Variants in RNF216 observed in about 807,000 individuals in gnomAD.
RNF216 encodes E3 ubiquitin-protein ligase RNF216.
RNF216 carries 72 observed loss-of-function variants against 110.8 expected under a neutral mutation model. That is an observed-to-expected ratio of 0.65 (90% CI 0.54 to 0.79). RNF216 has a LOEUF of 0.79. Among genes scored for constraint, RNF216 ranks in the 30% least tolerant of loss-of-function variants. The pLI, the probability that RNF216 is intolerant of heterozygous loss-of-function variation, is 0.00. For missense variants in RNF216, 1,342 were observed against 1,141.2 expected (o/e 1.18, Z -2.54); for synonymous variants, 495 against 407.5 (o/e 1.21, Z -2.59).
At chr7:5,741,843 C>A (rs779161524) in intron 3 of RNF216, 28 bp from the exon 4 acceptor site, 4 of 1,564,090 alleles carry the variant, frequency 2.6e-6, no homozygotes, top group Admixed American at 3.9e-5. Flanking sequence ...TTTAATAATT[C>A]AATTTCTTTC....
intron 15 of RNF216, among the ~76,000 whole-genome samples, chr7:5,637,379 C>T (rs1787458739): frequency 6.6e-6 from 1 of 152,214 alleles, no homozygotes; most frequent in Non-Finnish European, 1.5e-5. Flanking sequence ...AAGGGTTTCA[C>T]TGGGTCATAA....
chr7:5,740,562 A>G (rs1455919541), intron 4 of RNF216, among the ~76,000 whole-genome samples: 1 of 152,186 alleles, frequency 6.6e-6, no homozygotes, highest in African/African-American at 2.4e-5. Flanking sequence ...CCACTGGAAA[A>G]TTTTATTTAA....
intron 2 of RNF216, among the ~76,000 whole-genome samples, chr7:5,758,999 C>G (rs2128669048): frequency 6.6e-6 from 1 of 152,200 alleles, no homozygotes; most frequent in East Asian, 1.9e-4. Flanking sequence ...GGAGATGCGG[C>G]CTGGTGGGAG....
chr7:5,643,326 A>G (rs187300475), intron 14 of RNF216, among the ~76,000 whole-genome samples: 150 of 151,538 alleles, frequency 9.9e-4, no homozygotes, highest in African/African-American at 3.3e-3. Context: ...AAAAATGGGG[A>G]AAAATCATGG....
chr7:5,652,315 G>T, intron 14 of RNF216, 98 bp downstream of exon 14: 1 of 855,794 alleles, frequency 1.2e-6, no homozygotes, highest in Non-Finnish European at 2.0e-6. Context: ...GGTGGCTCAA[G>T]CGTGTTCTTC....
chr7:5,623,009 T>C lies in RNF216; in HGVS notation c.2623A>G (p.Asn875Asp). 1 of 1,613,964 alleles carries C rather than the reference T, an allele frequency of 6.2e-7. No individual in the cohort carries two copies. Among genetic ancestry groups the C allele is most frequent in the Non-Finnish European group, 8.5e-7 (1 of 1,179,986 alleles). Residue 875 changes from asparagine to aspartate, a missense_variant, in exon 17 of 17, where the codon AAC becomes GAC. Coordinates refer to ENST00000389902, the MANE Select transcript of RNF216 (RefSeq NM_207111.4). Reference sequence around the variant, plus strand: ...ATAGGCCCCATGTTGAGTGGGAAGTTGTTGAACACAGGCCGCACGGGAGGC... The same window carrying C: ...ATAGGCCCCATGTTGAGTGGGAAGTCGTTGAACACAGGCCGCACGGGAGGC... ...PLPPVRPVFNNFPLNMGPIPA... is the reference protein window; with the variant it reads ...PLPPVRPVFNDFPLNMGPIPA...
At chr7:5,656,732 A>G (rs1321079482) in intron 13 of RNF216, among the ~76,000 whole-genome samples, 2 of 152,208 alleles carry the variant, frequency 1.3e-5, no homozygotes, top group Admixed American at 1.3e-4. Context: ...ATATAAAGAA[A>G]GCACTTCCGT....
intron 13 of RNF216, among the ~76,000 whole-genome samples, chr7:5,692,828 C>G (rs1791415916): frequency 6.6e-6 from 1 of 152,206 alleles, no homozygotes; most frequent in South Asian, 2.1e-4. Context: ...TCAGACATGA[C>G]TAAGTTAATG....
At chr7:5,736,918 G>A (rs1411359701) in intron 5 of RNF216, among the ~76,000 whole-genome samples, 11 of 150,562 alleles carry the variant, frequency 7.3e-5, no homozygotes, top group East Asian at 2.0e-4. Flanking sequence ...GAGCCCCTCC[G>A]CCCGGCAGCC....
At chr7:5,628,699 T>G (rs1786872190) in intron 15 of RNF216, among the ~76,000 whole-genome samples, 1 of 151,836 alleles carries the variant, frequency 6.6e-6, no homozygotes, top group South Asian at 2.1e-4. Flanking sequence ...TTTTTTTTTT[T>G]TTGTAGAAAT....
chr7:5,661,746 T>C lies in RNF216; in HGVS notation c.2062-9236A>G, dbSNP rs560330987. On this transcript the variant is annotated intron_variant, in intron 13 of 16. Transcript: ENST00000389902. ...CGAACCTGGGAGGCAGAGGTTGCAG[T>C]GAGCTGAGATTGTGCCACTACACTC... Among the ~76,000 whole-genome samples the C allele has an allele frequency of 3.9e-5, 6 of 152,288 alleles. No homozygotes were observed. In the East Asian group the frequency reaches 1.2e-3, roughly 29 times the overall value.
intron 3 of RNF216, among the ~76,000 whole-genome samples, chr7:5,751,324 C>T (rs912541999): frequency 6.6e-6 from 1 of 151,960 alleles, no homozygotes; most frequent in Non-Finnish European, 1.5e-5. Context: ...GAAAGCCTAA[C>T]AAAAAGGGAG....
At chr7:5,712,075 T>C (rs1401516440) in intron 12 of RNF216, among the ~76,000 whole-genome samples, 1 of 152,104 alleles carries the variant, frequency 6.6e-6, no homozygotes, top group African/African-American at 2.4e-5. Flanking sequence ...AATAAACACG[T>C]CCCAACCTTA....
At position 5,680,163 on chromosome 7, in the gene RNF216, C is replaced by T. The variant is rs1790557712; in HGVS notation, c.2062-27653G>A. 6.6e-6 allele frequency among the ~76,000 whole-genome samples: 1 copy of T among 152,220 alleles called. No homozygotes were observed. Among genetic ancestry groups the T allele is most frequent in the South Asian group, 2.1e-4 (1 of 4,836 alleles). On this transcript the variant is annotated intron_variant, in intron 13 of 16. Transcript: ENST00000389902. The surrounding 1 kb of genome is among the most constrained non-coding windows in gnomAD (Gnocchi z 4.3). The stretch of plus-strand genomic sequence containing the variant: ...AGCTGGCCCTGAAGCTTCCAGCCTC[C>T]TCAGAGCTCGCCCTGGAAACACACG...
At chr7:5,774,846 C>T (rs1796689049) in intron 1 of RNF216, among the ~76,000 whole-genome samples, 1 of 152,068 alleles carries the variant, frequency 6.6e-6, no homozygotes, top group South Asian at 2.1e-4. Context: ...GCAACATCCC[C>T]TCCAGAGTTC....
chr7:5,700,910 G>A (rs1791922534), intron 13 of RNF216, among the ~76,000 whole-genome samples: 1 of 152,120 alleles, frequency 6.6e-6, no homozygotes, highest in South Asian at 2.1e-4. Context: ...TCTCTCCACT[G>A]CAACTAATTT....
chr7:5,625,081 G>A (rs1786624666), intron 15 of RNF216, among the ~76,000 whole-genome samples: 1 of 152,270 alleles, frequency 6.6e-6, no homozygotes, highest in African/African-American at 2.4e-5. Flanking sequence ...CATCTTTCCT[G>A]GCTGGCTGCA....
At chr7:5,676,885 C>T (rs1790333092) in intron 13 of RNF216, among the ~76,000 whole-genome samples, 1 of 152,198 alleles carries the variant, frequency 6.6e-6, no homozygotes, top group South Asian at 2.1e-4. Flanking sequence ...GGTGTGCATC[C>T]AGCTGGGGCA....
intron 2 of RNF216, among the ~76,000 whole-genome samples, chr7:5,758,056 C>A (rs542750944): frequency 7.2e-5 from 11 of 152,256 alleles, no homozygotes; most frequent in East Asian, 1.9e-4. Flanking sequence ...GAAAAAAGTT[C>A]TCATGATGGG....
Sources: gnomAD v4.1 joint callset for allele counts (sites outside exome capture counted in the v4.1 genomes callset) on GRCh38, gnomAD v4.1.1 for gene constraint, Gnocchi (gnomAD v3.1) non-coding constraint, MANE v1.5 for transcripts, NCBI Gene and HGNC (gene_info 2026-07-23, HGNC 2026-07-21) for gene names.